FRYL: variants seen among roughly 807,000 people sequenced by gnomAD.
FRYL encodes protein furry homolog-like.
In FRYL, 150 loss-of-function variants were observed where a neutral mutation model predicts 351.2. That is an observed-to-expected ratio of 0.43 (90% CI 0.37 to 0.49). The LOEUF (loss-of-function observed/expected upper bound fraction) is 0.49. Ranked by LOEUF, FRYL falls within the 20% of genes least tolerant of loss-of-function variation. The probability of loss-of-function intolerance (pLI) is 0.00; values close to 1 mark genes in which losing one functional copy is unlikely to be tolerated. For synonymous variants in FRYL, 1,153 were observed against 1,257.1 expected (o/e 0.92, Z 1.75); for missense variants, 3,036 against 3,619.3 (o/e 0.84, Z 4.13).
chr4:48,520,775 C>T, intron 55 of FRYL: 2 of 276,076 alleles, frequency 7.2e-6, no homozygotes, highest in Admixed American at 5.2e-5. Context: ...CTCGCCAACC[C>T]CAGAGAAGCG....
At chr4:48,564,544 G>C (rs1367972633) in intron 30 of FRYL, among the ~76,000 whole-genome samples, 2 of 152,178 alleles carry the variant, frequency 1.3e-5, no homozygotes, top group South Asian at 2.1e-4. Flanking sequence ...AAGGAAGGCA[G>C]AGTGTGGAGG....
At chr4:48,759,542 T>C (rs1478922989) in intron 1 of FRYL, among the ~76,000 whole-genome samples, 2 of 152,198 alleles carry the variant, frequency 1.3e-5, no homozygotes, top group Non-Finnish European at 2.9e-5. Context: ...TGTCAGCAGC[T>C]AAGAATCCGT....
Position 48,499,475 on chromosome 4 carries a change from G to T in FRYL, c.8989C>A (p.Gln2997Lys). Residue 2997 changes from glutamine to lysine, a missense_variant, in exon 64 of 64, where the codon CAA becomes AAA. By Grantham distance (53) the Gln-to-Lys change is moderately conservative. Around this residue, in one of 7 missense-constraint regions of FRYL, gnomAD observed 1,987 missense variants for 2,311.7 expected, o/e 0.86. Transcript: ENST00000358350. Reference protein sequence around the residue: ...RESLRMVQSYQLLAQAKPMGN... With the variant: ...RESLRMVQSYKLLAQAKPMGN... ...ATTGGTTTGGCCTGTGCTAGAAGTT[G>T]GTATGATTGCACCATGCGTAGAGAC... 6.2e-7 allele frequency: 1 copy of T among 1,613,726 alleles called. No homozygotes were observed. Among genetic ancestry groups the T allele is most frequent in the South Asian group, 1.1e-5 (1 of 91,074 alleles).
chr4:48,581,875 T>C (rs1189401127), intron 20 of FRYL, among the ~76,000 whole-genome samples: 4 of 152,188 alleles, frequency 2.6e-5, no homozygotes, highest in Non-Finnish European at 5.9e-5. Context: ...CTTCATCTGA[T>C]TTCTATGTGG....
intron 3 of FRYL, chr4:48,680,917 G>T: frequency 9.0e-7 from 1 of 1,107,726 alleles, no homozygotes; most frequent in Non-Finnish European, 1.1e-6. Flanking sequence ...AAAGAAATAC[G>T]TTTTTACTTT....
intron 1 of FRYL, among the ~76,000 whole-genome samples, chr4:48,750,740 G>A (rs1203281657): frequency 6.6e-6 from 1 of 152,202 alleles, no homozygotes; most frequent in Non-Finnish European, 1.5e-5. Flanking sequence ...AAATTATGGA[G>A]AGGGAGCTGG....
At chr4:48,760,674 ATTTG>A (rs1774311548) in intron 1 of FRYL, among the ~76,000 whole-genome samples, 2 of 151,778 alleles carry the variant, frequency 1.3e-5, no homozygotes, top group Admixed American at 1.3e-4. Flanking sequence ...CTGTAGATTT[ATTTG>A]TTTATTTATT....
At position 48,557,564 on chromosome 4, in the gene FRYL, T is replaced by A; in HGVS notation, c.4014A>T (p.Leu1338Phe). The A allele has an allele frequency of 6.2e-7, 1 of 1,614,210 alleles. No homozygotes were observed. The highest frequency in any genetic ancestry group is 8.5e-7 in the Non-Finnish European group (1 of 1,180,038). ...TAGTCACCATAAGTTCTCGGTCTTT[T>A]AAGGAATCATCTTCATCTTCATCAT... ...RRHDEDEDDS[L>F]KDRELMVTSR... Residue 1338 changes from leucine to phenylalanine, a missense_variant, in exon 34 of 64, where the codon TTA (leucine) becomes TTT (phenylalanine). By Grantham distance (22) the Leu-to-Phe change is conservative. Around this residue, in one of 7 missense-constraint regions of FRYL, gnomAD observed 1,987 missense variants for 2,311.7 expected, o/e 0.86. Transcript: ENST00000358350.
intron 1 of FRYL, among the ~76,000 whole-genome samples, chr4:48,719,630 T>C (rs1342854617): frequency 6.6e-6 from 1 of 151,714 alleles, no homozygotes; most frequent in African/African-American, 2.4e-5. Flanking sequence ...CCAGCCACAC[T>C]GTGCTCTTTG....
chr4:48,693,454 A>T (rs2149562593), intron 2 of FRYL, among the ~76,000 whole-genome samples: 1 of 152,272 alleles, frequency 6.6e-6, no homozygotes, highest in South Asian at 2.1e-4. Context: ...GAGCTGAGGA[A>T]TGGGCACCTG....
intron 3 of FRYL, among the ~76,000 whole-genome samples, chr4:48,661,645 A>G (rs937461529): frequency 6.6e-6 from 1 of 152,066 alleles, no homozygotes; most frequent in East Asian, 1.9e-4. Flanking sequence ...AACAAACAAC[A>G]CTCTTTAAAA....
rs191540285 is a variant in FRYL at position 48,677,854 on chromosome 4, A to C, written c.-81+6819T>G. ...GCATCTTTTTACATGAAGTCTCTCCATATCATCGAGTTCTCCTTTCAGTAA... is the reference window on the plus strand; with the variant it reads ...GCATCTTTTTACATGAAGTCTCTCCCTATCATCGAGTTCTCCTTTCAGTAA... On this transcript the variant is annotated intron_variant, in intron 3 of 63. Transcript: ENST00000358350. Among the ~76,000 whole-genome samples the C allele has an allele frequency of 2.6e-3, 402 of 152,316 alleles. 1 individual carries two copies. Among genetic ancestry groups the C allele is most frequent in the Non-Finnish European group, 4.5e-3 (309 of 68,028 alleles).
chr4:48,505,571 C>T lies in FRYL; in HGVS notation c.8439G>A (p.Met2813Ile). Reference protein sequence around the residue: ...CKRTFGAKEDMYRINTDAQQM... With the variant: ...CKRTFGAKEDIYRINTDAQQM... ...CTTGTGCATCTGTGTTTATCCTATA[C>T]ATGTCTTCTTTGGCACCAAATGTCC... is the stretch of plus-strand genomic sequence containing the variant. The change falls in exon 60 of 64, where the codon ATG (methionine) becomes ATA (isoleucine). Residue 2813 changes from methionine to isoleucine, a missense_variant. Coordinates refer to ENST00000358350, the MANE Select transcript of FRYL (RefSeq NM_015030.2). 1.9e-6 allele frequency: 3 copies of T among 1,609,412 alleles called. No individual in the cohort carries two copies. Among genetic ancestry groups the T allele is most frequent in the Non-Finnish European group, 2.5e-6 (3 of 1,177,108 alleles).
chr4:48,741,113 A>G (rs1560340040), intron 1 of FRYL, among the ~76,000 whole-genome samples: 1 of 152,118 alleles, frequency 6.6e-6, no homozygotes, highest in Non-Finnish European at 1.5e-5. Flanking sequence ...ATCAAGCCAT[A>G]AAAAGCCATG....
rs534227069 is a variant in FRYL, at chr4:48,544,992, A to G, written c.5280-88T>C. 1.6e-3 allele frequency: 2,076 copies of G among 1,333,482 alleles called. 5 individuals carry two copies. The highest frequency in any genetic ancestry group is 2.0e-3 in the Non-Finnish European group (1,930 of 987,500). 82.6% of individuals were successfully genotyped at this position (1,333,482 alleles called of 1,614,324 possible). A position where few individuals can be genotyped will look rare whatever the true frequency, so the allele number is the denominator to read the frequency against. ...CACTTGCCTAAATTACACCTTTACA[A>G]TTAGAAAGGATGGTAGTTGAATAAA... On this transcript the variant is annotated intron_variant, in intron 42 of 63. Coordinates refer to ENST00000358350, the MANE Select transcript of FRYL (RefSeq NM_015030.2).
At chr4:48,684,433 C>T (rs1461924061) in intron 3 of FRYL, among the ~76,000 whole-genome samples, 1 of 152,110 alleles carries the variant, frequency 6.6e-6, no homozygotes, top group Non-Finnish European at 1.5e-5. Flanking sequence ...AGGGGAAGTA[C>T]TCCAGTAATG....
chr4:48,569,461 C>T (rs529356046), intron 27 of FRYL, among the ~76,000 whole-genome samples: 3 of 152,288 alleles, frequency 2.0e-5, no homozygotes, highest in South Asian at 2.1e-4. Flanking sequence ...CACGCATCAC[C>T]GTGCCCAGCT....
At chr4:48,760,139 C>T (rs1003740163) in intron 1 of FRYL, among the ~76,000 whole-genome samples, 6 of 151,962 alleles carry the variant, frequency 3.9e-5, no homozygotes, top group African/African-American at 1.4e-4. Context: ...AGACTCCACC[C>T]TTCATCAGTC....
At chr4:48,609,908 A>T (rs1175328202) in intron 7 of FRYL, 85 bp from the exon 8 acceptor site, 1 of 597,110 alleles carries the variant, frequency 1.7e-6, no homozygotes, top group Non-Finnish European at 2.9e-6. Context: ...TTAAATCAAT[A>T]ATCAATCTTA....
Sources: allele counts gnomAD v4.1 joint callset (sites outside exome capture counted in the v4.1 genomes callset), GRCh38; gene constraint gnomAD v4.1.1; regional missense constraint gnomAD v4.1.1; transcripts MANE v1.5; gene names NCBI Gene and HGNC (gene_info 2026-07-23, HGNC 2026-07-21).